SCTR: variants seen among roughly 807,000 people sequenced by gnomAD.
SCTR encodes the protein pancreatic secretin receptor.
Under a neutral mutation model 60.8 loss-of-function variants are expected in SCTR, and 56 were observed. The observed-to-expected ratio is 0.92, with a 90% CI of 0.74 to 1.15. The LOEUF (loss-of-function observed/expected upper bound fraction) is 1.15. Ranked by LOEUF, SCTR falls within the 50% of genes most tolerant of loss-of-function variation. The pLI is 0.00. For missense variants in SCTR, 562 were observed against 550.4 expected, an observed-to-expected ratio of 1.02 and a Z score of -0.21; for synonymous variants, 202 against 217.0, an observed-to-expected ratio of 0.93 and a Z score of 0.61.
intron 2 of SCTR, chr2:119,479,138 G>A: frequency 2.3e-6 from 3 of 1,296,382 alleles, no homozygotes; most frequent in Non-Finnish European, 2.0e-6. Context: ...GAAGATAGAA[G>A]GAAGTAAGAA....
At chr2:119,487,584 C>A (rs747989330) in intron 2 of SCTR, among the ~76,000 whole-genome samples, 3 of 152,144 alleles carry the variant, frequency 2.0e-5, no homozygotes, top group Non-Finnish European at 4.4e-5. Context: ...ACATTCTTCC[C>A]CTGGGGAGAG....
At chr2:119,493,734 CG>C (rs1250678129) in intron 2 of SCTR, among the ~76,000 whole-genome samples, 1 of 151,606 alleles carries the variant, frequency 6.6e-6, no homozygotes, top group Middle Eastern at 3.2e-3. Flanking sequence ...CTCTGCATCC[CG>C]GGTTCAAGCG....
At chr2:119,519,221 C>T (rs1200369342) in intron 1 of SCTR, among the ~76,000 whole-genome samples, 1 of 152,020 alleles carries the variant, frequency 6.6e-6, no homozygotes, top group Non-Finnish European at 1.5e-5. Flanking sequence ...GTGATCCACC[C>T]GCCTCGGCCT....
intron 2 of SCTR, among the ~76,000 whole-genome samples, chr2:119,491,464 A>G (rs779252913): frequency 1.1e-4 from 16 of 152,018 alleles, no homozygotes; most frequent in Non-Finnish European, 7.4e-5. Flanking sequence ...AGACCCACAT[A>G]CTGTTCTTAT....
intron 1 of SCTR, among the ~76,000 whole-genome samples, chr2:119,503,828 A>T (rs1300567996): frequency 6.6e-6 from 1 of 152,244 alleles, no homozygotes; most frequent in Non-Finnish European, 1.5e-5. Flanking sequence ...TAAGCTCAGC[A>T]ATTGTAATAA....
chr2:119,440,081 T>C lies in SCTR; in HGVS notation c.*36A>G. On this transcript the variant is annotated 3_prime_UTR_variant, in exon 13 of 13. Transcript: ENST00000019103. ...GTGCCCAGCCTTCGCAGGACCTCTCTTGGTCTCTGTCCGTGGGTGACCCTG... is the reference window on the plus strand; with the variant it reads ...GTGCCCAGCCTTCGCAGGACCTCTCCTGGTCTCTGTCCGTGGGTGACCCTG... 3 of 1,601,576 alleles carry C rather than the reference T, an allele frequency of 1.9e-6. No homozygotes were observed. Among genetic ancestry groups the C allele is most frequent in the Admixed American group, 3.4e-5 (2 of 59,482 alleles).
At chr2:119,511,863 T>A (rs1258421290) in intron 1 of SCTR, among the ~76,000 whole-genome samples, 1 of 152,238 alleles carries the variant, frequency 6.6e-6, no homozygotes, top group East Asian at 1.9e-4. Flanking sequence ...ATTATTAAAC[T>A]AATTAACAAT....
At chr2:119,503,398 G>A (rs550988138) in intron 1 of SCTR, among the ~76,000 whole-genome samples, 5 of 151,948 alleles carry the variant, frequency 3.3e-5, no homozygotes, top group South Asian at 2.1e-4. Flanking sequence ...AGATCCCATC[G>A]CTTAAAAAAA....
chr2:119,475,173 TG>T (rs1352863132), intron 3 of SCTR, among the ~76,000 whole-genome samples: 1 of 151,588 alleles, frequency 6.6e-6, no homozygotes, highest in East Asian at 1.9e-4. Context: ...AGGCGAGGGG[TG>T]GGGAGGTTTC....
At chr2:119,515,851 G>A (rs1221451390) in intron 1 of SCTR, among the ~76,000 whole-genome samples, 1 of 152,196 alleles carries the variant, frequency 6.6e-6, no homozygotes, top group Non-Finnish European at 1.5e-5. Context: ...GTATTTCCTA[G>A]TGTCTCAGTG....
At chr2:119,469,018 A>G (rs2579648) in intron 4 of SCTR, among the ~76,000 whole-genome samples, 130,989 of 152,034 alleles carry the variant, frequency 0.86, 56,528 homozygotes, top group South Asian at 0.88. Flanking sequence ...GGCCTTCGAT[A>G]GGAAGGCTAC....
chr2:119,440,175 C>T lies in SCTR; in HGVS notation c.1265G>A (p.Ser422Asn). The T allele has an allele frequency of 6.2e-7, 1 of 1,614,064 alleles. No individual in the cohort carries two copies. The highest frequency in any genetic ancestry group is 8.5e-7 in the Non-Finnish European group (1 of 1,180,004). The change falls in exon 13 of 13, where the codon AGC (serine) becomes AAC (asparagine). Residue 422 changes from serine to asparagine, a missense_variant. Ser to Asn is a conservative substitution (Grantham distance 46, BLOSUM62 1). Coordinates refer to ENST00000019103, the MANE Select transcript of SCTR (RefSeq NM_002980.3). The part of the protein sequence containing the change: ...PLHPVASFSN[S>N]TKASHLEQSQ... ...CTGCTCCAAGTGGCTGGCCTTGGTG[C>T]TGTTGCTGAAGGAGGCCACGGGGTG...
intron 4 of SCTR, among the ~76,000 whole-genome samples, chr2:119,469,239 C>T (rs1442622727): frequency 6.6e-6 from 1 of 152,146 alleles, no homozygotes; most frequent in African/African-American, 2.4e-5. Flanking sequence ...AGCCGCATTG[C>T]AGAGGGTGTC....
intron 7 of SCTR, among the ~76,000 whole-genome samples, chr2:119,458,921 T>C (rs1476616866): frequency 1.3e-5 from 2 of 152,200 alleles, no homozygotes; most frequent in Non-Finnish European, 2.9e-5. Context: ...CCGCTCACTC[T>C]CACTCGCTGA....
At chr2:119,450,555 A>T (rs924041469) in intron 9 of SCTR, among the ~76,000 whole-genome samples, 12 of 152,106 alleles carry the variant, frequency 7.9e-5, no homozygotes, top group African/African-American at 2.7e-4. Flanking sequence ...AAAAAAACCT[A>T]ATTAAGGATT....
At chr2:119,517,278 A>G (rs775612265) in intron 1 of SCTR, among the ~76,000 whole-genome samples, 15 of 151,518 alleles carry the variant, frequency 9.9e-5, no homozygotes, top group Non-Finnish European at 1.9e-4. Context: ...TCCCGCCTCA[A>G]CCTCCTGGGT....
At chr2:119,499,193 A>G (rs1416645302) in intron 1 of SCTR, among the ~76,000 whole-genome samples, 1 of 152,082 alleles carries the variant, frequency 6.6e-6, no homozygotes, top group Non-Finnish European at 1.5e-5. Context: ...GTAAATGTGT[A>G]TGCACCAAAC....
chr2:119,482,304 C>T (rs1391650424), intron 2 of SCTR, among the ~76,000 whole-genome samples: 1 of 152,186 alleles, frequency 6.6e-6, no homozygotes, highest in East Asian at 1.9e-4. Context: ...AGGCCCAGCC[C>T]CTAGCAGGAG....
intron 2 of SCTR, among the ~76,000 whole-genome samples, chr2:119,491,157 C>T (rs1304193427): frequency 2.0e-5 from 3 of 152,226 alleles, no homozygotes; most frequent in African/African-American, 7.2e-5. Context: ...TCTCTCTGAA[C>T]TACTCATGTC....
Sources: gnomAD v4.1 joint callset for allele counts (sites outside exome capture counted in the v4.1 genomes callset) on GRCh38, gnomAD v4.1.1 for gene constraint, MANE v1.5 for transcripts, NCBI Gene and HGNC (gene_info 2026-07-23, HGNC 2026-07-21) for gene names.